GAREM1: variants seen among roughly 807,000 people sequenced by gnomAD.
GAREM1 encodes GRB2 associated regulator of MAPK1 subtype 1, also known as GRB2-associated and regulator of MAPK protein 1.
In GAREM1, 26 loss-of-function variants were observed where a neutral mutation model predicts 71.3. The observed-to-expected ratio is 0.36, with a 90% CI of 0.27 to 0.51. GAREM1 has a LOEUF of 0.51. GAREM1 is among the 20% of genes least tolerant of loss of function. The probability of loss-of-function intolerance (pLI) is 0.95; values close to 1 mark genes in which losing one functional copy is unlikely to be tolerated. For synonymous variants in GAREM1, 440 were observed against 433.2 expected (o/e 1.02, Z -0.20); for missense variants, 1,026 against 1,103.1 (o/e 0.93, Z 0.99).
At chr18:32,426,631 C>T (rs1217478072) in intron 1 of GAREM1, among the ~76,000 whole-genome samples, 2 of 152,076 alleles carry the variant, frequency 1.3e-5, no homozygotes, top group Non-Finnish European at 2.9e-5. Flanking sequence ...ATTCCTCTTC[C>T]ACCTCTACTT....
At chr18:32,313,301 G>A (rs762963788) in intron 2 of GAREM1, among the ~76,000 whole-genome samples, 3 of 152,132 alleles carry the variant, frequency 2.0e-5, no homozygotes, top group Non-Finnish European at 4.4e-5. Context: ...AAAAGTAGTG[G>A]GATCAATGGA....
In GAREM1 at chr18:32,287,420, T is replaced by C; in HGVS notation, c.1177A>G (p.Asn393Asp). Residue 393 changes from asparagine (N) to aspartate (D), a missense_variant, in exon 4 of 6, where the codon AAC becomes GAC. By Grantham distance (23) the Asn-to-Asp change is conservative. Around this residue, in one of 3 missense-constraint regions of GAREM1, gnomAD observed 636 missense variants for 631.2 expected, o/e 1.01. Transcript: ENST00000269209. The surrounding 1 kb of genome is among the most constrained non-coding windows in gnomAD (Gnocchi z 5.9). Reference protein sequence around the residue: ...FHRLSVCVYGNNLHGNSEVNL... With the variant: ...FHRLSVCVYGDNLHGNSEVNL... ...ACCTCACTGTTGCCATGGAGATTGT[T>C]GCCATACACACAGACCGAGAGTCGG... The C allele has an allele frequency of 6.2e-7, 1 of 1,614,200 alleles. No homozygotes were observed. Among genetic ancestry groups the C allele is most frequent in the Non-Finnish European group, 8.5e-7 (1 of 1,180,032 alleles).
chr18:32,360,935 C>G (rs1031982938), intron 2 of GAREM1, among the ~76,000 whole-genome samples: 1 of 152,122 alleles, frequency 6.6e-6, no homozygotes, highest in Non-Finnish European at 1.5e-5. Flanking sequence ...TTGCCTCAGA[C>G]GTTAAAAACA....
intron 1 of GAREM1, among the ~76,000 whole-genome samples, chr18:32,425,629 T>C (rs1479423888): frequency 6.6e-6 from 1 of 152,218 alleles, no homozygotes; most frequent in Non-Finnish European, 1.5e-5. Flanking sequence ...GTGCTAATAT[T>C]GTGTCCAAGA....
At chr18:32,269,205 C>T (rs1364556786) in intron 5 of GAREM1, among the ~76,000 whole-genome samples, 1 of 152,196 alleles carries the variant, frequency 6.6e-6, no homozygotes, top group African/African-American at 2.4e-5. Context: ...GGCATCACAC[C>T]ACCCGTGACT....
intron 3 of GAREM1, among the ~76,000 whole-genome samples, chr18:32,302,318 A>G (rs1309016505): frequency 6.6e-6 from 1 of 152,210 alleles, no homozygotes; most frequent in Non-Finnish European, 1.5e-5. Flanking sequence ...TTCCAGATCT[A>G]AAATGTAATG....
At chr18:32,454,369 A>G (rs1168035292) in intron 1 of GAREM1, among the ~76,000 whole-genome samples, 1 of 152,140 alleles carries the variant, frequency 6.6e-6, no homozygotes, top group African/African-American at 2.4e-5. Context: ...ACTATAAGAC[A>G]CATGCTGATT....
chr18:32,446,490 C>T (rs1336212189), intron 1 of GAREM1, among the ~76,000 whole-genome samples: 1 of 152,170 alleles, frequency 6.6e-6, no homozygotes, highest in Non-Finnish European at 1.5e-5. Context: ...GCAAGCTGGA[C>T]TATCCTGACC....
At position 32,349,386 on chromosome 18, in the gene GAREM1, A is replaced by G. The variant is rs187405940; in HGVS notation, c.263-39063T>C. On this transcript the variant is annotated intron_variant, in intron 2 of 5. Transcript: ENST00000269209. ...AAACCGTCTGGATTTTCTAATATTTATGGCTTACAGGCTCAAATCATTTAT... is the reference window on the plus strand; with the variant it reads ...AAACCGTCTGGATTTTCTAATATTTGTGGCTTACAGGCTCAAATCATTTAT... Among the ~76,000 whole-genome samples the G allele has an allele frequency of 2.6e-5, 4 of 152,300 alleles. No homozygotes were observed. In the East Asian group the frequency reaches 5.8e-4, roughly 22 times the overall value.
At chr18:32,415,906 C>T (rs531736762) in intron 1 of GAREM1, among the ~76,000 whole-genome samples, 1 of 151,912 alleles carries the variant, frequency 6.6e-6, no homozygotes, top group Non-Finnish European at 1.5e-5. Context: ...TAAAGAGCAT[C>T]CAAATTGGAA....
rs187839963 is a variant in GAREM1 at position 32,303,089 on chromosome 18, C to T, written c.393+7104G>A. 1.2e-4 allele frequency among the ~76,000 whole-genome samples: 18 copies of T among 152,292 alleles called. 1 individual carries two copies. The highest frequency in any genetic ancestry group is 3.4e-3 in the Middle Eastern group (1 of 294). On this transcript the variant is annotated intron_variant, in intron 3 of 5. Coordinates refer to ENST00000269209, the MANE Select transcript of GAREM1 (RefSeq NM_001242409.2). ...ACATCTGAATGAAACTTCACATTCC[C>T]GAGTGGGTAACTTTCTCTAATGAAG...
At chr18:32,380,815 T>C (rs2144641256) in intron 2 of GAREM1, among the ~76,000 whole-genome samples, 1 of 152,180 alleles carries the variant, frequency 6.6e-6, no homozygotes, top group South Asian at 2.1e-4. Context: ...CTTTCAACTT[T>C]GTTGAGAATT....
chr18:32,330,383 T>C (rs895560297), intron 2 of GAREM1, among the ~76,000 whole-genome samples: 5 of 151,858 alleles, frequency 3.3e-5, no homozygotes, highest in African/African-American at 1.2e-4. Context: ...GAGGCAAGGG[T>C]TGAAAAACTA....
chr18:32,394,883 A>C (rs959054050), intron 1 of GAREM1, among the ~76,000 whole-genome samples: 3 of 152,204 alleles, frequency 2.0e-5, no homozygotes, highest in African/African-American at 7.2e-5. Flanking sequence ...TCACCTGTGA[A>C]ATAGTTATTA....
At chr18:32,451,389 A>G (rs1166868806) in intron 1 of GAREM1, among the ~76,000 whole-genome samples, 1 of 152,012 alleles carries the variant, frequency 6.6e-6, no homozygotes, top group African/African-American at 2.4e-5. Context: ...AAACCAACTA[A>G]CACTTTGGAG....
intron 1 of GAREM1, among the ~76,000 whole-genome samples, chr18:32,400,480 A>T (rs184329528): frequency 0.076 from 11,607 of 152,262 alleles, 620 homozygotes; most frequent in African/African-American, 0.15. Flanking sequence ...TTTACAAGAA[A>T]AAAACAAACA....
chr18:32,443,850 C>T (rs1384285632), intron 1 of GAREM1, among the ~76,000 whole-genome samples: 1 of 152,064 alleles, frequency 6.6e-6, no homozygotes, highest in African/African-American at 2.4e-5. Flanking sequence ...TCGTAACAGC[C>T]CAAAGTGGAA....
rs146378640 is a variant in GAREM1, at chr18:32,349,961, A to G, written c.263-39638T>C. Among the ~76,000 whole-genome samples, 115 of 152,338 alleles carry G rather than the reference A, an allele frequency of 7.5e-4. 1 individual carries two copies. The East Asian group carries it at 0.018, about 24-fold the overall frequency. Reference sequence around the variant, plus strand: ...ACATTCTTGGTAAACTGACATCATCATGACAACTCTGGCAGGGCTCCAAGT... The same window carrying G: ...ACATTCTTGGTAAACTGACATCATCGTGACAACTCTGGCAGGGCTCCAAGT... On this transcript the variant is annotated intron_variant, in intron 2 of 5. Coordinates refer to ENST00000269209, the MANE Select transcript of GAREM1 (RefSeq NM_001242409.2).
intron 2 of GAREM1, among the ~76,000 whole-genome samples, chr18:32,348,659 C>T (rs9951044): frequency 0.05 from 7,567 of 152,094 alleles, 621 homozygotes; most frequent in African/African-American, 0.17. Context: ...GGGAGGCAGA[C>T]GTTTCAGTGA....
Sources: allele counts gnomAD v4.1 joint callset (sites outside exome capture counted in the v4.1 genomes callset), GRCh38; gene constraint gnomAD v4.1.1; regional missense constraint gnomAD v4.1.1; non-coding constraint Gnocchi (gnomAD v3.1); transcripts MANE v1.5; gene names NCBI Gene and HGNC (gene_info 2026-07-23, HGNC 2026-07-21).